The following IFNAR1 variants were observed in gnomAD, a reference collection of about 807,000 sequenced individuals.
IFNAR1 encodes the protein interferon alpha/beta receptor 1.
IFNAR1 carries 47 observed loss-of-function variants against 62.1 expected under a neutral mutation model. That is an observed-to-expected ratio of 0.76 (90% CI 0.60 to 0.97). IFNAR1 has a LOEUF of 0.97. Ranked by LOEUF, IFNAR1 falls within the 50% of genes least tolerant of loss-of-function variation. The probability of loss-of-function intolerance (pLI) is 0.00; values close to 1 mark genes in which losing one functional copy is unlikely to be tolerated. For missense variants in IFNAR1, 638 were observed against 654.5 expected, an observed-to-expected ratio of 0.97 and a Z score of 0.27; for synonymous variants, 219 against 226.9, an observed-to-expected ratio of 0.97 and a Z score of 0.31.
At chr21:33,334,053 A>T (rs988318799) in intron 1 of IFNAR1, among the ~76,000 whole-genome samples, 1 of 152,202 alleles carries the variant, frequency 6.6e-6, no homozygotes, top group Non-Finnish European at 1.5e-5. Context: ...TTAAACAGAC[A>T]TTAAGTCAAA....
intron 5 of IFNAR1, 72 bp from the exon 6 acceptor site, chr21:33,345,174 C>G (rs1162179686): frequency 1.3e-6 from 1 of 749,678 alleles, no homozygotes; most frequent in East Asian, 2.5e-5. Flanking sequence ...AAATGCGAGC[C>G]TTTATCTTCT....
At chr21:33,324,942 AAG>A (rs2083109233), upstream of IFNAR1, 9 of 867,340 alleles carry the variant, frequency 1.0e-5, no homozygotes, top group Non-Finnish European at 1.6e-5. Flanking sequence ...GGTGAGAGCT[AAG>A]AGGGGCAGCG....
intron 3 of IFNAR1, 76 bp from the exon 4 acceptor site, chr21:33,343,192 C>T (rs1466941437): frequency 7.8e-7 from 1 of 1,285,920 alleles, no homozygotes; most frequent in African/African-American, 1.5e-5. Context: ...ATTAAGTGCT[C>T]AGAATTATTT....
rs1010805268 is a variant in IFNAR1, at chr21:33,356,717, G to A, written c.*1168G>A. On this transcript the variant is annotated 3_prime_UTR_variant, in exon 11 of 11. Coordinates refer to ENST00000270139, the MANE Select transcript of IFNAR1 (RefSeq NM_000629.3). ...AGTATACATGCCATGCCAGAAGATA[G>A]TGTATGCAAGAAGTCTTGGGACCAG... 1.3e-5 allele frequency: 2 copies of A among 152,250 alleles called. No homozygotes were observed. The highest frequency in any genetic ancestry group is 2.9e-5 in the Non-Finnish European group (2 of 68,046). The allele number at this position is 152,250 out of a possible 1,614,324, so 9.4% of individuals were successfully genotyped here. A position where few individuals can be genotyped will look rare whatever the true frequency, so the allele number is the denominator to read the frequency against.
At position 33,358,988 on chromosome 21, in the gene IFNAR1, T is replaced by G. The variant is rs1601040904; in HGVS notation, c.*3439T>G. On this transcript the variant is annotated 3_prime_UTR_variant, in exon 11 of 11. Transcript: ENST00000270139. The stretch of plus-strand genomic sequence containing the variant: ...AGTAACCATGTGACTACTAACGTGG[T>G]ATATTGATTTATTTTGTTTGCTGTC... 6.6e-6 allele frequency: 1 copy of G among 152,064 alleles called. No individual in the cohort carries two copies. Among genetic ancestry groups the G allele is most frequent in the Admixed American group, 6.5e-5 (1 of 15,268 alleles). 9.4% of individuals were successfully genotyped at this position (152,064 alleles called of 1,614,324 possible).
At position 33,359,526 on chromosome 21, in the gene IFNAR1, G is replaced by A. The variant is rs2083480316; in HGVS notation, c.*3977G>A. 1 of 152,170 alleles carries A rather than the reference G, an allele frequency of 6.6e-6. No homozygotes were observed. The allele number at this position is 152,170 out of a possible 1,614,324, so 9.4% of individuals were successfully genotyped here. ...TTCTTCCCGCTCTTAAGACATGGCTGGAGCTCAGTCTTCATTGAATGAAGT... is the reference window on the plus strand; with the variant it reads ...TTCTTCCCGCTCTTAAGACATGGCTAGAGCTCAGTCTTCATTGAATGAAGT... On this transcript the variant is annotated 3_prime_UTR_variant, in exon 11 of 11. Transcript: ENST00000270139.
chr21:33,334,574 T>TA, intron 1 of IFNAR1: 1 of 561,030 alleles, frequency 1.8e-6, no homozygotes, highest in Non-Finnish European at 3.5e-6. Context: ...GAGAAATGCT[T>TA]AAGGAAGTCC....
At position 33,357,862 on chromosome 21, in the gene IFNAR1, CGT is replaced by C. The variant is rs2083463674; in HGVS notation, c.*2314_*2315del. ...TTTGGAAAAGCCTTGTCACTTTGGA[CGT>C]TTGCGTCTTTGAAGAGGCGATGGGA... On this transcript the variant is annotated 3_prime_UTR_variant, in exon 11 of 11. Transcript: ENST00000270139. The C allele has an allele frequency of 6.6e-6, 1 of 152,104 alleles. No individual in the cohort carries two copies. The highest frequency in any genetic ancestry group is 1.5e-5 in the Non-Finnish European group (1 of 68,052). 9.4% of individuals were successfully genotyped at this position (152,104 alleles called of 1,614,324 possible). A position where few individuals can be genotyped will look rare whatever the true frequency, so the allele number is the denominator to read the frequency against.
At chr21:33,342,688 CA>C (rs757422966) in intron 3 of IFNAR1, among the ~76,000 whole-genome samples, 1,111 of 93,498 alleles carry the variant, frequency 0.012, 42 homozygotes, top group Admixed American at 0.073. Flanking sequence ...ACTAAAAATA[CA>C]AAAAAAAAAA....
intron 8 of IFNAR1, among the ~76,000 whole-genome samples, chr21:33,351,162 C>A (rs186418631): frequency 6.6e-6 from 1 of 152,272 alleles, no homozygotes; most frequent in East Asian, 1.9e-4. Flanking sequence ...TTGTCTCAGT[C>A]ATTCTTCAAA....
intron 1 of IFNAR1, among the ~76,000 whole-genome samples, chr21:33,327,959 C>T (rs2083141819): frequency 6.6e-6 from 1 of 152,146 alleles, no homozygotes; most frequent in Non-Finnish European, 1.5e-5. Context: ...CTGGGATGTC[C>T]TAAGGGGTTG....
chr21:33,347,230 A>G (rs1366091395), intron 6 of IFNAR1, among the ~76,000 whole-genome samples: 1 of 151,764 alleles, frequency 6.6e-6, no homozygotes, highest in Non-Finnish European at 1.5e-5. Flanking sequence ...CCTGGGTTCA[A>G]GTGATTCTTC....
In IFNAR1 at chr21:33,356,858, A is replaced by C. The variant is rs1238390216; in HGVS notation, c.*1309A>C. 4 of 152,180 alleles carry C rather than the reference A, an allele frequency of 2.6e-5. No homozygotes were observed. The highest frequency in any genetic ancestry group is 2.6e-4 in the Admixed American group (4 of 15,280). 9.4% of individuals were successfully genotyped at this position (152,180 alleles called of 1,614,324 possible). ...CCACTGGAAGCCTGAGCACCTAATC[A>C]GCTCTCAGTGATCAACCCACTCTTG... is the stretch of plus-strand genomic sequence containing the variant. On this transcript the variant is annotated 3_prime_UTR_variant, in exon 11 of 11. Transcript: ENST00000270139.
At chr21:33,331,842 G>A (rs1367074583) in intron 1 of IFNAR1, among the ~76,000 whole-genome samples, 3 of 152,036 alleles carry the variant, frequency 2.0e-5, no homozygotes, top group African/African-American at 7.3e-5. Flanking sequence ...CTTCTTTATA[G>A]TCAGGCCAGT....
chr21:33,358,640 C>T lies in IFNAR1; in HGVS notation c.*3091C>T, dbSNP rs1368530134. 2.0e-5 allele frequency: 3 copies of T among 151,862 alleles called. No homozygotes were observed. Among genetic ancestry groups the T allele is most frequent in the East Asian group, 3.8e-4 (2 of 5,200 alleles). 9.4% of individuals were successfully genotyped at this position (151,862 alleles called of 1,614,324 possible). ...TGTAACTAAAAATTAGAACAGCTCC[C>T]TAGAATTGTGAACTTTTAAGAGTCT... On this transcript the variant is annotated 3_prime_UTR_variant, in exon 11 of 11. Transcript: ENST00000270139.
At chr21:33,351,206 G>A (rs755070796) in intron 8 of IFNAR1, among the ~76,000 whole-genome samples, 62 of 152,282 alleles carry the variant, frequency 4.1e-4, no homozygotes, top group Admixed American at 7.2e-4. Context: ...TGGTTACATT[G>A]CTGTTTGGCA....
At chr21:33,324,809 A>T, upstream of IFNAR1, 1 of 542,034 alleles carries the variant, frequency 1.8e-6, no homozygotes, top group Non-Finnish European at 3.3e-6. Flanking sequence ...TGCAATTAGG[A>T]TGGGGCAATG....
chr21:33,326,813 AAAAG>A (rs1173786855), intron 1 of IFNAR1, among the ~76,000 whole-genome samples: 2 of 152,124 alleles, frequency 1.3e-5, no homozygotes, highest in South Asian at 2.1e-4. Context: ...CAAAAATAAT[AAAAG>A]AAAAATACAA....
chr21:33,333,614 A>ATTTTTTTTTTTTTTTTT lies in IFNAR1; in HGVS notation c.77-1899_77-1898insTTTTTTTTTTTTTTTTT, dbSNP rs59240203. 7.4e-3 allele frequency among the ~76,000 whole-genome samples: 795 copies of ATTTTTTTTTTTTTTTTT among 106,886 alleles called. 40 individuals are homozygous for ATTTTTTTTTTTTTTTTT. Among genetic ancestry groups the ATTTTTTTTTTTTTTTTT allele is most frequent in the South Asian group, 0.011 (33 of 2,966 alleles). 70.1% of individuals were successfully genotyped at this position (106,886 alleles called of 152,430 possible). ...CCATACTTAAAGAGACTGGCGGAATATTTTTTTTTTTCTTTTTTTTTTTTT... is the reference window on the plus strand; with the variant it reads ...CCATACTTAAAGAGACTGGCGGAATATTTTTTTTTTTTTTTTTTTTTTTTTTTTCTTTTTTTTTTTTT... On this transcript the variant is annotated intron_variant, in intron 1 of 10. Transcript: ENST00000270139.
Sources: gnomAD v4.1 joint callset for allele counts (sites outside exome capture counted in the v4.1 genomes callset) on GRCh38, gnomAD v4.1.1 for gene constraint, MANE v1.5 for transcripts, NCBI Gene and HGNC (gene_info 2026-07-23, HGNC 2026-07-21) for gene names.